Variants in KCNQ1 observed in about 807,000 individuals in gnomAD.
KCNQ1 encodes potassium voltage-gated channel subfamily Q member 1.
KCNQ1 carries 49 observed loss-of-function variants against 72.4 expected under a neutral mutation model. The observed-to-expected ratio is 0.68, with a 90% CI of 0.54 to 0.86. KCNQ1 has a LOEUF of 0.86. Ranked by LOEUF, KCNQ1 falls within the 40% of genes least tolerant of loss-of-function variation. KCNQ1 has a pLI of 0.00. For synonymous variants in KCNQ1, 450 were observed against 412.6 expected (o/e 1.09, Z -1.10); for missense variants, 790 against 945.1 (o/e 0.84, Z 2.15).
Position 2,824,153 on chromosome 11 carries a change from A to T in KCNQ1, c.1795-23614A>T, listed in dbSNP as rs1847792854. ...CATTCACACAAACACACCCAGACAC[A>T]TGCATGCACATGGATAACTAACTCT... is the stretch of plus-strand genomic sequence containing the variant. On this transcript the variant is annotated intron_variant, in intron 15 of 15. Transcript: ENST00000155840. This position sits in a 1 kb window ranked among gnomAD's most constrained non-coding sequence, Gnocchi z 5.9. 1.3e-5 allele frequency among the ~76,000 whole-genome samples: 2 copies of T among 152,008 alleles called. No homozygotes were observed. The highest frequency in any genetic ancestry group is 1.3e-4 in the Admixed American group (2 of 15,276).
chr11:2,733,809 C>CAT (rs1845896398), intron 11 of KCNQ1, among the ~76,000 whole-genome samples: 1 of 74,444 alleles, frequency 1.3e-5, no homozygotes, highest in Non-Finnish European at 3.0e-5. Context: ...CACACACACA[C>CAT]ACACACTCTC....
rs1847320445 is a variant in KCNQ1 at position 2,803,779 on chromosome 11, C to T, written c.1794+25742C>T. Among the ~76,000 whole-genome samples the T allele has an allele frequency of 6.6e-6, 1 of 152,164 alleles. No homozygotes were observed. The highest frequency in any genetic ancestry group is 2.4e-5 in the African/African-American group (1 of 41,434). On this transcript the variant is annotated intron_variant, in intron 15 of 15. Transcript: ENST00000155840. This position sits in a 1 kb window ranked among gnomAD's most constrained non-coding sequence, Gnocchi z 6.4. ...CCCTGATCCTCTCCCCACTTCCCTC[C>T]TCCCCTCTCATCCCCACCTCGGGCC...
intron 1 of KCNQ1, among the ~76,000 whole-genome samples, chr11:2,487,928 G>A (rs1846769083): frequency 6.6e-6 from 1 of 152,124 alleles, no homozygotes; most frequent in Non-Finnish European, 1.5e-5. Flanking sequence ...AGTGGTGAAA[G>A]TGGTCACCCT....
chr11:2,635,040 C>G (rs1221654144), intron 10 of KCNQ1: 1 of 152,060 alleles, frequency 6.6e-6, no homozygotes, highest in East Asian at 1.9e-4. Flanking sequence ...TTTGTTTTTT[C>G]TTGTAAATTT....
At position 2,525,489 on chromosome 11, in the gene KCNQ1, G is replaced by A. The variant is rs751724119; in HGVS notation, c.387-2439G>A. 2.9e-4 allele frequency among the ~76,000 whole-genome samples: 44 copies of A among 152,242 alleles called. 1 individual carries two copies. The highest frequency in any genetic ancestry group is 1.2e-3 in the Admixed American group (19 of 15,292). On this transcript the variant is annotated intron_variant, in intron 1 of 15. Transcript: ENST00000155840. Reference sequence around the variant, plus strand: ...GGAGCACCCAGAGGGAGCCTGGCAGGGCCTGGACATCCTGTCCAAGCTGGC... The same window carrying A: ...GGAGCACCCAGAGGGAGCCTGGCAGAGCCTGGACATCCTGTCCAAGCTGGC...
rs537126315 is a variant in KCNQ1, at chr11:2,508,876, G to A, written c.387-19052G>A. Reference sequence around the variant, plus strand: ...CTCCCTCCACACCCATGTGCCTGATGCACACAGCCTGGCCCTTGTGGGCAC... The same window carrying A: ...CTCCCTCCACACCCATGTGCCTGATACACACAGCCTGGCCCTTGTGGGCAC... On this transcript the variant is annotated intron_variant, in intron 1 of 15. Coordinates refer to ENST00000155840, the MANE Select transcript of KCNQ1 (RefSeq NM_000218.3). The surrounding 1 kb of genome is among the most constrained non-coding windows in gnomAD (Gnocchi z 6.2). 1.4e-4 allele frequency among the ~76,000 whole-genome samples: 21 copies of A among 152,230 alleles called. No homozygotes were observed. The highest frequency in any genetic ancestry group is 2.8e-4 in the Non-Finnish European group (19 of 68,036).
In KCNQ1 at chr11:2,536,519, C is replaced by T. The variant is rs561766104; in HGVS notation, c.477+8501C>T. Among the ~76,000 whole-genome samples the T allele has an allele frequency of 4.6e-5, 7 of 152,242 alleles. No individual in the cohort carries two copies. In the East Asian group the frequency reaches 9.7e-4, roughly 21 times the overall value. On this transcript the variant is annotated intron_variant, in intron 2 of 15. Transcript: ENST00000155840. The surrounding 1 kb of genome is among the most constrained non-coding windows in gnomAD (Gnocchi z 7.4). Reference sequence around the variant, plus strand: ...GGGGAGACATGCTGAGCCCTCCCAGCGAGACACTGAGGGTCGGGAGGGTAA... The same window carrying T: ...GGGGAGACATGCTGAGCCCTCCCAGTGAGACACTGAGGGTCGGGAGGGTAA...
chr11:2,476,394 G>A (rs1007571412), intron 1 of KCNQ1, among the ~76,000 whole-genome samples: 3 of 152,186 alleles, frequency 2.0e-5, no homozygotes, highest in Admixed American at 2.0e-4. Context: ...CATTAAAGGG[G>A]CATATATGCA....
At chr11:2,511,727 A>G (rs1401408924) in intron 1 of KCNQ1, among the ~76,000 whole-genome samples, 1 of 152,040 alleles carries the variant, frequency 6.6e-6, no homozygotes, top group Non-Finnish European at 1.5e-5. Flanking sequence ...CCCATGAGTG[A>G]CTCCTGGATT....
chr11:2,595,707 G>T lies in KCNQ1; in HGVS notation c.1393+6853G>T, dbSNP rs1157185412. ...TCTGATGGAGATGTACAAGATTAGT[G>T]TTGTTCTTATGGCTGCTAACACAAC... On this transcript the variant is annotated intron_variant, in intron 10 of 15. Transcript: ENST00000155840. The surrounding 1 kb of genome is among the most constrained non-coding windows in gnomAD (Gnocchi z 5.0). Among the ~76,000 whole-genome samples, 1 of 151,262 alleles carries T rather than the reference G, an allele frequency of 6.6e-6. No homozygotes were observed.
chr11:2,630,482 T>TC (rs1310727248), intron 10 of KCNQ1: 2 of 398,234 alleles, frequency 5.0e-6, no homozygotes, highest in Non-Finnish European at 4.4e-6. Flanking sequence ...ATCTTATACT[T>TC]CCCCCGCTAC....
chr11:2,736,672 T>C (rs971219197), intron 11 of KCNQ1, among the ~76,000 whole-genome samples: 1 of 152,112 alleles, frequency 6.6e-6, no homozygotes, highest in African/African-American at 2.4e-5. Context: ...CAGGTGTCCC[T>C]TGTGATCTTC....
Position 2,627,549 on chromosome 11 carries a change from G to T in KCNQ1, c.1394-34412G>T, listed in dbSNP as rs1253279779. The stretch of plus-strand genomic sequence containing the variant: ...TTCCATATGTAACTGGGATAGTGCA[G>T]TATTTGTCTTTCTGTGTCTGGCTAT... On this transcript the variant is annotated intron_variant, in intron 10 of 15. Transcript: ENST00000155840. The surrounding 1 kb of genome is among the most constrained non-coding windows in gnomAD (Gnocchi z 4.9). 2.5e-6 allele frequency: 1 copy of T among 398,452 alleles called. No homozygotes were observed. The highest frequency in any genetic ancestry group is 4.4e-6 in the Non-Finnish European group (1 of 226,038). The allele number at this position is 398,452 out of a possible 1,614,324, so 24.7% of individuals were successfully genotyped here. A position where few individuals can be genotyped will look rare whatever the true frequency, so the allele number is the denominator to read the frequency against.
chr11:2,696,656 C>T (rs1023848876), intron 11 of KCNQ1: 18 of 398,626 alleles, frequency 4.5e-5, no homozygotes, highest in Middle Eastern at 1.3e-3. Flanking sequence ...AAAATCCTGA[C>T]GTCATTCTAA....
intron 15 of KCNQ1, among the ~76,000 whole-genome samples, chr11:2,798,951 GAGGGTACCCGCGTGA>G (rs1415781021): frequency 1.3e-5 from 2 of 152,202 alleles, no homozygotes; most frequent in Admixed American, 1.3e-4. Context: ...AAGGAGAGCA[GAGGGTACCCGCGTGA>G]AGGGTACCCA....
intron 10 of KCNQ1, chr11:2,650,345 C>T: frequency 5.0e-6 from 2 of 398,450 alleles, no homozygotes; most frequent in Admixed American, 8.8e-5. Context: ...TTTTTTGTGT[C>T]CCCAAGTTGA....
chr11:2,574,223 C>T (rs1433408301), intron 6 of KCNQ1, among the ~76,000 whole-genome samples: 4 of 152,194 alleles, frequency 2.6e-5, no homozygotes, highest in African/African-American at 9.6e-5. Flanking sequence ...GGCACCATCA[C>T]ACCTTGGGGA....
intron 2 of KCNQ1, among the ~76,000 whole-genome samples, chr11:2,545,651 C>CAGGTGATTGATAATTCTATTT (rs1847894066): frequency 6.6e-6 from 1 of 151,848 alleles, no homozygotes; most frequent in Non-Finnish European, 1.5e-5. Flanking sequence ...TAATTATATT[C>CAGGTGATTGATAATTCTATTT]AGGTGATTGA....
chr11:2,619,029 C>A lies in KCNQ1; in HGVS notation c.1393+30175C>A, dbSNP rs189564113. 55 of 398,318 alleles carry A rather than the reference C, an allele frequency of 1.4e-4. No homozygotes were observed. The East Asian group carries it at 1.8e-3, about 13-fold the overall frequency. 24.7% of individuals were successfully genotyped at this position (398,318 alleles called of 1,614,324 possible). A position where few individuals can be genotyped will look rare whatever the true frequency, so the allele number is the denominator to read the frequency against. ...TACTGTTTTATATTGATTTTATATC[C>A]TACAACTTTACTGAACTCATTTATT... is the stretch of plus-strand genomic sequence containing the variant. On this transcript the variant is annotated intron_variant, in intron 10 of 15. Transcript: ENST00000155840.
Sources: gnomAD v4.1 joint callset for allele counts (sites outside exome capture counted in the v4.1 genomes callset) on GRCh38, gnomAD v4.1.1 for gene constraint, Gnocchi (gnomAD v3.1) non-coding constraint, MANE v1.5 for transcripts, NCBI Gene and HGNC (gene_info 2026-07-23, HGNC 2026-07-21) for gene names.